The following CDC42BPG variants were observed in gnomAD, a reference collection of about 807,000 sequenced individuals.
The protein encoded by CDC42BPG is CDC42 binding protein kinase gamma.
Under a neutral mutation model 192.2 loss-of-function variants are expected in CDC42BPG, and 157 were observed. The ratio of observed to expected loss-of-function variants is 0.82; its 90% confidence interval spans 0.72 to 0.93. CDC42BPG has a LOEUF of 0.93. Ranked by LOEUF, CDC42BPG falls within the 40% of genes least tolerant of loss-of-function variation. The pLI is 0.00. For synonymous variants in CDC42BPG, 981 were observed against 918.5 expected, an observed-to-expected ratio of 1.07 and a Z score of -1.23; for missense variants, 1,992 against 2,122.1, an observed-to-expected ratio of 0.94 and a Z score of 1.20.
At position 64,835,112 on chromosome 11, in the gene CDC42BPG, C is replaced by G; in HGVS notation, c.1995G>C (p.Arg665=). Residue 665 remains arginine, a synonymous_variant, in exon 17 of 37, where the codon CGG becomes CGC. Coordinates refer to ENST00000342711, the MANE Select transcript of CDC42BPG (RefSeq NM_017525.3). ...ELAQEQESKQ[R]LEGERRETES... ...CCGTCTCCCGCCGCTCACCCTCCAG[C>G]CGCTGCTTGCTCTCCTGCTCCTGGG... 1.9e-6 allele frequency: 3 copies of G among 1,602,236 alleles called. No individual in the cohort carries two copies. The highest frequency in any genetic ancestry group is 2.5e-6 in the Non-Finnish European group (3 of 1,179,836).
Position 64,840,209 on chromosome 11 carries a change from C to T in CDC42BPG, c.492G>A (p.Glu164=). Residue 164 remains glutamate (E), a synonymous_variant, in exon 5 of 37, where the codon GAG becomes GAA. Transcript: ENST00000342711. ...GGGCCAGCTCGGGCGGGAGACGGTC[C>T]TCGAAGCGGCTCAGCAGCGTCAGGA... ...GDLLTLLSRF[E]DRLPPELAQF... 1 of 1,613,220 alleles carries T rather than the reference C, an allele frequency of 6.2e-7. No homozygotes were observed. Among genetic ancestry groups the T allele is most frequent in the Non-Finnish European group, 8.5e-7 (1 of 1,180,006 alleles).
At chr11:64,831,101 C>T (rs1942663558) in intron 28 of CDC42BPG, among the ~76,000 whole-genome samples, 1 of 152,110 alleles carries the variant, frequency 6.6e-6, no homozygotes, top group African/African-American at 2.4e-5. Context: ...GCCTGCAATC[C>T]CAGCTACTCT....
Position 64,827,035 on chromosome 11 carries a change from C to T in CDC42BPG, c.4389+15G>A, listed in dbSNP as rs759171305. ...CCTCACCAAAGTGGCTTGTGATTGGCTCCAGAGGACTAACCGGGGACTTGT... is the reference window on the plus strand; with the variant it reads ...CCTCACCAAAGTGGCTTGTGATTGGTTCCAGAGGACTAACCGGGGACTTGT... On this transcript the variant is annotated intron_variant, in intron 34 of 36. Transcript: ENST00000342711. 14 of 1,556,162 alleles carry T rather than the reference C, an allele frequency of 9.0e-6. No homozygotes were observed. Among genetic ancestry groups the T allele is most frequent in the Non-Finnish European group, 1.1e-5 (13 of 1,131,158 alleles).
At chr11:64,843,579 G>A (rs956674601) in intron 1 of CDC42BPG, among the ~76,000 whole-genome samples, 1 of 152,118 alleles carries the variant, frequency 6.6e-6, no homozygotes, top group Non-Finnish European at 1.5e-5. Flanking sequence ...GCCTCACCCC[G>A]CCCTGGCCAG....
chr11:64,836,064 G>C (rs1440432207), intron 13 of CDC42BPG, 53 bp downstream of exon 13: 2 of 1,526,310 alleles, frequency 1.3e-6, no homozygotes, highest in South Asian at 1.2e-5. Flanking sequence ...GCTCCCTCCA[G>C]GCACACTGGG....
intron 1 of CDC42BPG, 65 bp downstream of exon 1, chr11:64,844,344 CG>C: frequency 7.8e-7 from 1 of 1,287,052 alleles, no homozygotes; most frequent in Non-Finnish European, 9.9e-7. Flanking sequence ...GGAAAGTCTG[CG>C]GGTGCGGGGG....
At chr11:64,842,380 G>A (rs1411556985) in intron 1 of CDC42BPG, among the ~76,000 whole-genome samples, 1 of 152,140 alleles carries the variant, frequency 6.6e-6, no homozygotes, top group African/African-American at 2.4e-5. Flanking sequence ...CAGGAGCTGT[G>A]GGCCTGGGTC....
intron 1 of CDC42BPG, 98 bp downstream of exon 1, chr11:64,844,312 C>T (rs1943408776): frequency 1.7e-6 from 2 of 1,174,204 alleles, no homozygotes; most frequent in African/African-American, 1.6e-5. Flanking sequence ...GAGGGAAGCC[C>T]GTGGGGGTGC....
At position 64,838,841 on chromosome 11, in the gene CDC42BPG, C is replaced by A; in HGVS notation, c.938G>T (p.Arg313Leu). Residue 313 changes from arginine to leucine, a missense_variant, in exon 8 of 37, where the codon CGC becomes CTC. Around this residue, in one of 2 missense-constraint regions of CDC42BPG, gnomAD observed 1,656 missense variants for 1,844.3 expected, o/e 0.90. Coordinates refer to ENST00000342711, the MANE Select transcript of CDC42BPG (RefSeq NM_017525.3). ...CTCTTCCTGGCGACACAGCAGCTGG[C>A]GGATCAGGTCTTGGGCGCTGGCTGG... ...DVPASAQDLI[R>L]QLLCRQEERL... 6.2e-7 allele frequency: 1 copy of A among 1,610,708 alleles called. No homozygotes were observed. The highest frequency in any genetic ancestry group is 1.1e-5 in the South Asian group (1 of 91,044).
chr11:64,824,498 G>C lies in CDC42BPG; in HGVS notation c.4631C>G (p.Ser1544Cys). 1 of 1,608,288 alleles carries C rather than the reference G, an allele frequency of 6.2e-7. No individual in the cohort carries two copies. Among genetic ancestry groups the C allele is most frequent in the Non-Finnish European group, 8.5e-7 (1 of 1,174,566 alleles). The stretch of plus-strand genomic sequence containing the variant: ...TCAAGGAGAGCTCTCCAATTCAGGG[G>C]ATAGGGGGAGGCTTCGGGGCCGTTC... The part of the protein sequence containing the change: ...VSERPRSLPL[S>C]PELESSP Residue 1544 changes from serine (S) to cysteine (C), a missense_variant, in exon 37 of 37, where the codon TCC becomes TGC. Transcript: ENST00000342711.
chr11:64,826,284 C>T (rs1292420322), intron 36 of CDC42BPG, among the ~76,000 whole-genome samples, 186 bp downstream of exon 36: 8 of 152,218 alleles, frequency 5.3e-5, no homozygotes, highest in Admixed American at 4.6e-4. Flanking sequence ...CTAGGCTGGC[C>T]TGCATCCAGG....
At chr11:64,840,338 G>A in intron 4 of CDC42BPG, 70 bp from the exon 5 acceptor site, 5 of 1,568,158 alleles carry the variant, frequency 3.2e-6, no homozygotes, top group Admixed American at 1.7e-5. Flanking sequence ...GGTCCCGCAG[G>A]GCTCTGGGAA....
chr11:64,826,933 G>A lies in CDC42BPG; in HGVS notation c.4389+117C>T, dbSNP rs1358059548. On this transcript the variant is annotated intron_variant, in intron 34 of 36. Transcript: ENST00000342711. ...CTTAAGTCCCAGGTAGCAGAAGTGT[G>A]AGTCCCAGGCCTTAGGAGTAATTAC... 3.4e-6 allele frequency: 4 copies of A among 1,162,326 alleles called. No individual in the cohort carries two copies. The African/African-American group carries it at 6.2e-5, about 18-fold the overall frequency. The allele number at this position is 1,162,326 out of a possible 1,614,324, so 72.0% of individuals were successfully genotyped here.
intron 9 of CDC42BPG, among the ~76,000 whole-genome samples, chr11:64,837,575 C>T (rs189959159): frequency 1.3e-5 from 2 of 152,370 alleles, no homozygotes; most frequent in Admixed American, 6.5e-5. Context: ...ATTCTCGCTG[C>T]CTCAGCCTCC....
chr11:64,836,191 TCTCCTGGGC>T lies in CDC42BPG; in HGVS notation c.1585_1593del (p.Ala529_Glu531del). ...GTCTGGCTAGCTGTGGCCGCCTCTC[TCTCCTGGGC>T]CTCCTGTAGCCTCTGAAGCAGCTCC... On this transcript the variant is annotated inframe_deletion, in exon 13 of 37. Coordinates refer to ENST00000342711, the MANE Select transcript of CDC42BPG (RefSeq NM_017525.3). 1.9e-6 allele frequency: 3 copies of T among 1,597,162 alleles called. No individual in the cohort carries two copies. The highest frequency in any genetic ancestry group is 1.7e-6 in the Non-Finnish European group (2 of 1,173,710).
rs142223847 is a variant in CDC42BPG at position 64,831,692 on chromosome 11, G to A, written c.3117C>T (p.Pro1039=). The A allele has an allele frequency of 1.6e-4, 263 of 1,604,548 alleles. 3 individuals are homozygous for A. The East Asian group carries it at 5.8e-3, about 36-fold the overall frequency. Residue 1039 remains proline, a synonymous_variant, in exon 28 of 37, where the codon CCC becomes CCT. Coordinates refer to ENST00000342711, the MANE Select transcript of CDC42BPG (RefSeq NM_017525.3). ...CCAGCAGCAGCACAGTGCACGTGGT[G>A]GGCGGCACTGCCAGCTGGGAGGTTG... ...RVTTSQLAVP[P]TTCTVLLLAE...
At chr11:64,831,779 C>G in intron 27 of CDC42BPG, 58 bp from the exon 28 acceptor site, 1 of 1,464,604 alleles carries the variant, frequency 6.8e-7, no homozygotes, top group African/African-American at 1.4e-5. Flanking sequence ...TCCTCCCTCC[C>G]TTCCTGCCTC....
In CDC42BPG at chr11:64,839,638, C is replaced by A. The variant is rs1182392884; in HGVS notation, c.582-67G>T. Reference sequence around the variant, plus strand: ...GTGTAAGTGGCCATTTAGGCACACGCCCAGGTGCACATGCACGGTGTGTGC... The same window carrying A: ...GTGTAAGTGGCCATTTAGGCACACGACCAGGTGCACATGCACGGTGTGTGC... On this transcript the variant is annotated intron_variant, in intron 5 of 36. Transcript: ENST00000342711. 6 of 1,322,000 alleles carry A rather than the reference C, an allele frequency of 4.5e-6. No individual in the cohort carries two copies. In the African/African-American group the frequency reaches 5.8e-5, roughly 13 times the overall value. 81.9% of individuals were successfully genotyped at this position (1,322,000 alleles called of 1,614,324 possible).
chr11:64,826,620 A>G, intron 35 of CDC42BPG, 51 bp downstream of exon 35: 3 of 1,576,908 alleles, frequency 1.9e-6, no homozygotes, highest in Non-Finnish European at 2.6e-6. Context: ...CAAAGGGGGT[A>G]GAAACTTGGG....
Sources: gnomAD v4.1 joint callset for allele counts (sites outside exome capture counted in the v4.1 genomes callset) on GRCh38, gnomAD v4.1.1 for gene constraint, gnomAD v4.1.1 regional missense constraint, MANE v1.5 for transcripts, NCBI Gene and HGNC (gene_info 2026-07-23, HGNC 2026-07-21) for gene names.